TNKS: variants seen among roughly 807,000 people sequenced by gnomAD.
TNKS encodes poly [ADP-ribose] polymerase tankyrase-1.
In TNKS, 72 loss-of-function variants were observed where a neutral mutation model predicts 135.8. The ratio of observed to expected loss-of-function variants is 0.53; its 90% CI spans 0.44 to 0.64. TNKS has a LOEUF of 0.64. Among genes scored for constraint, TNKS ranks in the 30% least tolerant of loss-of-function variants. The pLI is 0.00. For synonymous variants in TNKS, 849 were observed against 649.3 expected, an observed-to-expected ratio of 1.31 and a Z score of -4.68; for missense variants, 1,769 against 1,674.0, an observed-to-expected ratio of 1.06 and a Z score of -0.99.
At chr8:9,707,280 T>C (rs1372861499) in intron 8 of TNKS, among the ~76,000 whole-genome samples, 1 of 152,258 alleles carries the variant, frequency 6.6e-6, no homozygotes, top group Non-Finnish European at 1.5e-5. Flanking sequence ...CATCCATTTC[T>C]TGGATACTTG....
Position 9,769,650 on chromosome 8 carries a change from C to T in TNKS, c.3741-456C>T, listed in dbSNP as rs191680501. ...TTTTTTTTTTTTTGAGACGGAGTCT[C>T]GCTCTGTCGCCCAGCCTGGAGTGCA... is the stretch of plus-strand genomic sequence containing the variant. On this transcript the variant is annotated intron_variant, in intron 25 of 26. Coordinates refer to ENST00000310430, the MANE Select transcript of TNKS (RefSeq NM_003747.3). Among the ~76,000 whole-genome samples the T allele has an allele frequency of 4.6e-3, 573 of 123,600 alleles. 3 individuals carry two copies. The highest frequency in any genetic ancestry group is 7.0e-3 in the Middle Eastern group (1 of 142). The allele number at this position is 123,600 out of a possible 152,430, so 81.1% of individuals were successfully genotyped here. A position where few individuals can be genotyped will look rare whatever the true frequency, so the allele number is the denominator to read the frequency against.
At chr8:9,748,335 A>C in intron 18 of TNKS, 123 bp downstream of exon 18, 1 of 902,644 alleles carries the variant, frequency 1.1e-6, no homozygotes, top group Non-Finnish European at 1.5e-6. Flanking sequence ...ATCTTCTGAA[A>C]ATTTTTGAAG....
intron 3 of TNKS, among the ~76,000 whole-genome samples, chr8:9,647,677 G>C (rs1800968052): frequency 6.6e-6 from 1 of 152,090 alleles, no homozygotes; most frequent in Admixed American, 6.5e-5. Flanking sequence ...CTGTCTTCTT[G>C]TGTGACTTGT....
At position 9,555,972 on chromosome 8, in the gene TNKS, C is replaced by T. The variant is rs765880179; in HGVS notation, c.33C>T (p.His11=). Residue 11 remains histidine, a synonymous_variant, in exon 1 of 27, where the codon CAC becomes CAT. Transcript: ENST00000310430. MAASRRSQHH[H]HHHQQQLQPA... ...CGTCGCGTCGCTCTCAGCATCATCA[C>T]CACCATCATCAACAACAGCTCCAGC... The T allele has an allele frequency of 1.9e-6, 3 of 1,613,366 alleles. No individual in the cohort carries two copies. The highest frequency in any genetic ancestry group is 2.5e-6 in the Non-Finnish European group (3 of 1,179,852).
intron 3 of TNKS, among the ~76,000 whole-genome samples, chr8:9,620,053 G>A (rs1359068974): frequency 6.6e-6 from 1 of 151,740 alleles, no homozygotes; most frequent in African/African-American, 2.4e-5. Context: ...GGGTTTAAGC[G>A]ATTCTCCTGC....
chr8:9,704,823 C>A, intron 6 of TNKS, 66 bp downstream of exon 6: 1 of 1,287,598 alleles, frequency 7.8e-7, no homozygotes, highest in Non-Finnish European at 1.1e-6. Flanking sequence ...ACTTTTAAAA[C>A]ACTAGACAAA....
chr8:9,779,337 G>T lies in TNKS; in HGVS notation c.*2601G>T, dbSNP rs1426850137. On this transcript the variant is annotated 3_prime_UTR_variant, in exon 27 of 27. Transcript: ENST00000310430. ...ATTAGGCTGAAGTCTTTTATTTTTT[G>T]TATATGTACTATATAGAAATACTAG... is the stretch of plus-strand genomic sequence containing the variant. 6.6e-6 allele frequency: 1 copy of T among 152,406 alleles called. No individual in the cohort carries two copies. The highest frequency in any genetic ancestry group is 1.5e-5 in the Non-Finnish European group (1 of 67,978). 9.4% of individuals were successfully genotyped at this position (152,406 alleles called of 1,614,324 possible).
chr8:9,636,195 T>A (rs1306842689), intron 3 of TNKS, among the ~76,000 whole-genome samples: 2 of 152,186 alleles, frequency 1.3e-5, no homozygotes, highest in East Asian at 3.8e-4. Context: ...GGCAGATGAT[T>A]ATAAGTAGGT....
chr8:9,742,951 G>T (rs1015449846), intron 17 of TNKS, among the ~76,000 whole-genome samples: 1 of 151,942 alleles, frequency 6.6e-6, no homozygotes, highest in South Asian at 2.1e-4. Flanking sequence ...ATTATTTGTA[G>T]ATTGATAAAT....
intron 14 of TNKS, among the ~76,000 whole-genome samples, chr8:9,731,749 T>C (rs1167412088): frequency 6.6e-6 from 1 of 152,168 alleles, no homozygotes. Flanking sequence ...CTCATTCTTT[T>C]AATGCTTGTA....
At chr8:9,628,762 A>ATCCTACTACCTACTTGACATT (rs1800166688) in intron 3 of TNKS, among the ~76,000 whole-genome samples, 1 of 152,126 alleles carries the variant, frequency 6.6e-6, no homozygotes, top group African/African-American at 2.4e-5. Context: ...AGAGGTACAT[A>ATCCTACTACCTACTTGACATT]TCCTACTACC....
At chr8:9,762,632 G>A (rs1410951923) in intron 21 of TNKS, among the ~76,000 whole-genome samples, 1 of 152,194 alleles carries the variant, frequency 6.6e-6, no homozygotes, top group Non-Finnish European at 1.5e-5. Context: ...GCTGGGCGCA[G>A]TGGCTCACGC....
At chr8:9,626,226 A>G (rs1800047886) in intron 3 of TNKS, among the ~76,000 whole-genome samples, 1 of 152,172 alleles carries the variant, frequency 6.6e-6, no homozygotes, top group African/African-American at 2.4e-5. Flanking sequence ...CTGCCTTTTT[A>G]AAATTGAGAT....
chr8:9,770,851 T>G (rs1434994980), intron 26 of TNKS, among the ~76,000 whole-genome samples: 2 of 152,170 alleles, frequency 1.3e-5, no homozygotes, highest in African/African-American at 4.8e-5. Context: ...TTGATGGAGA[T>G]ACCGTGGGCA....
chr8:9,690,168 A>G (rs989902156), intron 5 of TNKS, among the ~76,000 whole-genome samples: 8 of 152,200 alleles, frequency 5.3e-5, no homozygotes, highest in Non-Finnish European at 1.0e-4. Context: ...TTTTGTTCAC[A>G]CAAATCTTGT....
chr8:9,663,172 C>T (rs945506206), intron 3 of TNKS, among the ~76,000 whole-genome samples: 1 of 152,206 alleles, frequency 6.6e-6, no homozygotes, highest in African/African-American at 2.4e-5. Flanking sequence ...AGGAACACAT[C>T]CCTGCTCATC....
chr8:9,755,909 G>A (rs1026034555), intron 20 of TNKS, among the ~76,000 whole-genome samples: 1 of 152,102 alleles, frequency 6.6e-6, no homozygotes, highest in Non-Finnish European at 1.5e-5. Flanking sequence ...AAACTAAATT[G>A]TCCTGTTTCC....
intron 1 of TNKS, among the ~76,000 whole-genome samples, chr8:9,576,607 C>G (rs903480269): frequency 6.6e-6 from 1 of 151,836 alleles, no homozygotes; most frequent in Non-Finnish European, 1.5e-5. Flanking sequence ...TGAGAATTCA[C>G]TCATGTGACA....
chr8:9,631,272 C>T (rs967664413), intron 3 of TNKS, among the ~76,000 whole-genome samples: 1 of 152,192 alleles, frequency 6.6e-6, no homozygotes, highest in Non-Finnish European at 1.5e-5. Flanking sequence ...GATCTTCTCA[C>T]GTACCCAGCC....
Sources: allele counts gnomAD v4.1 joint callset (sites outside exome capture counted in the v4.1 genomes callset), GRCh38; gene constraint gnomAD v4.1.1; transcripts MANE v1.5; gene names NCBI Gene and HGNC (gene_info 2026-07-23, HGNC 2026-07-21).